The following ATP2A2 variants were observed in gnomAD, a reference collection of about 807,000 sequenced individuals.
The protein encoded by ATP2A2 is ATPase sarcoplasmic/endoplasmic reticulum Ca2+ transporting 2, also known as sarcoplasmic/endoplasmic reticulum calcium ATPase 2.
Under a neutral mutation model 109.3 loss-of-function variants are expected in ATP2A2, and 14 were observed. The ratio of observed to expected loss-of-function variants is 0.13; its 90% CI spans 0.08 to 0.20. The LOEUF (loss-of-function observed/expected upper bound fraction) is 0.20. Ranked by LOEUF, ATP2A2 falls within the 10% of genes least tolerant of loss-of-function variation. The pLI is 1.00. For missense variants in ATP2A2, 657 were observed against 1,321.6 expected (o/e 0.50, Z 7.80); for synonymous variants, 506 against 490.9 (o/e 1.03, Z -0.41).
At chr12:110,318,022 T>C (rs1287369901) in intron 5 of ATP2A2, among the ~76,000 whole-genome samples, 1 of 152,210 alleles carries the variant, frequency 6.6e-6, no homozygotes, top group Non-Finnish European at 1.5e-5. Flanking sequence ...TTGCAGAGCA[T>C]CCCTTTGGCA....
intron 5 of ATP2A2, among the ~76,000 whole-genome samples, chr12:110,315,319 C>T (rs1876552048): frequency 6.6e-6 from 1 of 152,212 alleles, no homozygotes; most frequent in African/African-American, 2.4e-5. Context: ...GCCTTTGCAA[C>T]ATCTAATGAA....
chr12:110,289,842 T>G (rs1282888116), intron 3 of ATP2A2, among the ~76,000 whole-genome samples: 1 of 152,238 alleles, frequency 6.6e-6, no homozygotes, highest in African/African-American at 2.4e-5. Flanking sequence ...TTTAACCACA[T>G]AGACCACTCT....
Position 110,326,531 on chromosome 12 carries a change from A to T in ATP2A2, c.630+56A>T, listed in dbSNP as rs144121819. 70 of 1,478,180 alleles carry T rather than the reference A, an allele frequency of 4.7e-5. No individual in the cohort carries two copies. In the East Asian group the frequency reaches 6.0e-4, roughly 13 times the overall value. 91.6% of individuals were successfully genotyped at this position (1,478,180 alleles called of 1,614,324 possible). A position where few individuals can be genotyped will look rare whatever the true frequency, so the allele number is the denominator to read the frequency against. On this transcript the variant is annotated intron_variant, in intron 7 of 19. Transcript: ENST00000539276. ...ACAGACATTTCCAAAGCCTAATCAA[A>T]TGTTATGTTTTTCACTGCCAACCAT...
At chr12:110,284,804 A>G (rs929710316) in intron 3 of ATP2A2, among the ~76,000 whole-genome samples, 6 of 152,232 alleles carry the variant, frequency 3.9e-5, no homozygotes, top group Admixed American at 1.3e-4. Flanking sequence ...TAGCAAAAGA[A>G]TAAGTGTTTA....
Position 110,307,677 on chromosome 12 carries a change from A to G in ATP2A2, c.463+10940A>G, listed in dbSNP as rs1875518441. 2.0e-5 allele frequency among the ~76,000 whole-genome samples: 3 copies of G among 152,152 alleles called. No homozygotes were observed. The South Asian group carries it at 6.2e-4, about 32-fold the overall frequency. On this transcript the variant is annotated intron_variant, in intron 5 of 19. Transcript: ENST00000539276. ...AAGTGTCTTTTCATACCCTTTGCCC[A>G]CTTTTCAACAGTGATTTTGTGTGTG...
chr12:110,282,891 A>G, intron 3 of ATP2A2, 96 bp downstream of exon 3: 1 of 1,087,070 alleles, frequency 9.2e-7, no homozygotes, highest in Non-Finnish European at 1.4e-6. Flanking sequence ...GTGAAAACAT[A>G]TTTGGAGTTG....
chr12:110,312,526 A>G (rs1306230463), intron 5 of ATP2A2, among the ~76,000 whole-genome samples: 1 of 152,090 alleles, frequency 6.6e-6, no homozygotes, highest in East Asian at 1.9e-4. Flanking sequence ...CAGAAAGTCC[A>G]CCTCAGGATT....
rs767238473 is a variant in ATP2A2 at position 110,350,292 on chromosome 12, C to T, written c.*3822C>T. The stretch of plus-strand genomic sequence containing the variant: ...GATTTCCTCTCTCTTTCCTTTTCAG[C>T]AATACTGGAGTAACCGCTTCCTAAA... On this transcript the variant is annotated 3_prime_UTR_variant, in exon 20 of 20. Coordinates refer to ENST00000539276, the MANE Select transcript of ATP2A2 (RefSeq NM_170665.4). 1 of 1,614,228 alleles carries T rather than the reference C, an allele frequency of 6.2e-7. No individual in the cohort carries two copies. Among genetic ancestry groups the T allele is most frequent in the South Asian group, 1.1e-5 (1 of 91,082 alleles).
At chr12:110,305,968 C>A (rs191973984) in intron 5 of ATP2A2, among the ~76,000 whole-genome samples, 1 of 150,158 alleles carries the variant, frequency 6.7e-6, no homozygotes, top group Non-Finnish European at 1.5e-5. Flanking sequence ...GCATTTTTGG[C>A]GGGGGGAATA....
At chr12:110,294,675 A>G (rs1873774011) in intron 4 of ATP2A2, among the ~76,000 whole-genome samples, 1 of 152,190 alleles carries the variant, frequency 6.6e-6, no homozygotes, top group South Asian at 2.1e-4. Context: ...AGTTTTTAAA[A>G]AAAGAACATT....
At chr12:110,323,979 C>G (rs559526897) in intron 6 of ATP2A2, among the ~76,000 whole-genome samples, 51 of 152,204 alleles carry the variant, frequency 3.4e-4, no homozygotes, top group Non-Finnish European at 5.9e-4. Flanking sequence ...TCCAAATACA[C>G]AATGAACAAA....
Position 110,319,664 on chromosome 12 carries a change from A to G in ATP2A2, c.464-3328A>G, listed in dbSNP as rs540537931. Among the ~76,000 whole-genome samples the G allele has an allele frequency of 3.3e-4, 49 of 149,284 alleles. 1 individual carries two copies. The highest frequency in any genetic ancestry group is 2.3e-3 in the South Asian group (11 of 4,780). On this transcript the variant is annotated intron_variant, in intron 5 of 19. Coordinates refer to ENST00000539276, the MANE Select transcript of ATP2A2 (RefSeq NM_170665.4). The stretch of plus-strand genomic sequence containing the variant: ...TTAATACTATATATAATAAATCTAT[A>G]CTACACATATTGTATATTTATACTA...
intron 3 of ATP2A2, among the ~76,000 whole-genome samples, chr12:110,291,115 T>G (rs963110739): frequency 1.3e-5 from 2 of 151,544 alleles, no homozygotes; most frequent in African/African-American, 4.9e-5. Context: ...TTCGTGTTGG[T>G]CAGGCTGGTC....
Position 110,282,737 on chromosome 12 carries a change from T to C in ATP2A2, c.161T>C (p.Ile54Thr). Residue 54 changes from isoleucine to threonine, a missense_variant, in exon 3 of 20, where the codon ATT (isoleucine) becomes ACT (threonine). By Grantham distance (89) the Ile-to-Thr change is moderately conservative. Around this residue, in one of 9 missense-constraint regions of ATP2A2, gnomAD observed 64 missense variants for 65.4 expected, o/e 0.98. Transcript: ENST00000539276. ...GGAAAAACCTTGCTGGAACTTGTGA[T>C]TGAGCAGTTTGAAGACTTGCTAGTT... is the stretch of plus-strand genomic sequence containing the variant. ...EEGKTLLELV[I>T]EQFEDLLVRI... 7 of 1,614,200 alleles carry C rather than the reference T, an allele frequency of 4.3e-6. No individual in the cohort carries two copies. The highest frequency in any genetic ancestry group is 5.9e-6 in the Non-Finnish European group (7 of 1,180,028).
At chr12:110,345,820 C>G (rs1879793205) in intron 18 of ATP2A2, 181 bp from the exon 19 acceptor site, 2 of 692,982 alleles carry the variant, frequency 2.9e-6, no homozygotes, top group African/African-American at 1.7e-5. Context: ...ACAGAATTCA[C>G]AGTTTGTCCT....
At position 110,281,822 on chromosome 12, in the gene ATP2A2, G is replaced by T. The variant is rs1566194861; in HGVS notation, c.33G>T (p.Glu11Asp). Residue 11 changes from glutamate (E) to aspartate (D), a missense_variant, in exon 1 of 20, where the codon GAG (glutamate) becomes GAT (aspartate). Physicochemically the swap from Glu to Asp is conservative, Grantham distance 45. Coordinates refer to ENST00000539276, the MANE Select transcript of ATP2A2 (RefSeq NM_170665.4). MENAHTKTVE[E>D]VLGHFGVNES... ...ACGCGCACACCAAGACGGTGGAGGA[G>T]GTGCTGGGCCACTTCGGCGTCAACG... The T allele has an allele frequency of 6.4e-7, 1 of 1,553,764 alleles. No individual in the cohort carries two copies. Among genetic ancestry groups the T allele is most frequent in the East Asian group, 2.5e-5 (1 of 40,686 alleles).
At chr12:110,283,056 G>A (rs1033094480) in intron 3 of ATP2A2, among the ~76,000 whole-genome samples, 8 of 152,196 alleles carry the variant, frequency 5.3e-5, no homozygotes, top group Non-Finnish European at 8.8e-5. Flanking sequence ...AATTCTTGTG[G>A]TTTATCAGCT....
intron 15 of ATP2A2, among the ~76,000 whole-genome samples, chr12:110,343,029 C>T (rs1472557373): frequency 6.6e-6 from 1 of 152,114 alleles, no homozygotes; most frequent in Non-Finnish European, 1.5e-5. Flanking sequence ...CATAAGCCAC[C>T]GCACCTGGCC....
At chr12:110,322,939 A>G in intron 5 of ATP2A2, 53 bp from the exon 6 acceptor site, 1 of 1,237,464 alleles carries the variant, frequency 8.1e-7, no homozygotes, top group South Asian at 1.2e-5. Context: ...ATCTTTAGAT[A>G]ACATAGTTTT....
Sources: gnomAD v4.1 joint callset for allele counts (sites outside exome capture counted in the v4.1 genomes callset) on GRCh38, gnomAD v4.1.1 for gene constraint, gnomAD v4.1.1 regional missense constraint, MANE v1.5 for transcripts, NCBI Gene and HGNC (gene_info 2026-07-23, HGNC 2026-07-21) for gene names.